Variants in SLC25A51 observed in about 807,000 individuals in gnomAD.
SLC25A51 encodes solute carrier family 25 member 51, also known as mitochondrial nicotinamide adenine dinucleotide transporter SLC25A51.
SLC25A51 carries 11 observed loss-of-function variants against 19.1 expected under a neutral mutation model. That is an observed-to-expected ratio of 0.58 (90% confidence interval 0.36 to 0.96). The LOEUF is 0.96. Ranked by LOEUF, SLC25A51 falls within the 40% of genes least tolerant of loss-of-function variation. SLC25A51 has a pLI of 0.01. For missense variants in SLC25A51, 201 were observed against 365.4 expected, an observed-to-expected ratio of 0.55 and a Z score of 3.67; for synonymous variants, 105 against 133.6, an observed-to-expected ratio of 0.79 and a Z score of 1.47.
At chr9:37,891,919 T>C (rs1831600332) in intron 2 of SLC25A51, among the ~76,000 whole-genome samples, 1 of 141,372 alleles carries the variant, frequency 7.1e-6, no homozygotes. Context: ...AAAAAAAGAT[T>C]CAGCCATAAG....
chr9:37,903,888 C>G (rs938988375), intron 1 of SLC25A51, 180 bp downstream of exon 1: 2 of 152,280 alleles, frequency 1.3e-5, no homozygotes, highest in Admixed American at 6.5e-5. Flanking sequence ...AGAACTGATT[C>G]CGCCCGCGCC....
intron 2 of SLC25A51, among the ~76,000 whole-genome samples, chr9:37,890,993 G>C (rs1413228416): frequency 6.6e-6 from 1 of 152,134 alleles, no homozygotes; most frequent in Non-Finnish European, 1.5e-5. Context: ...CAGGACAAAA[G>C]ATGTTAAAGA....
intron 2 of SLC25A51, among the ~76,000 whole-genome samples, chr9:37,891,183 T>C (rs1222690616): frequency 6.6e-6 from 1 of 152,152 alleles, no homozygotes; most frequent in African/African-American, 2.4e-5. Context: ...TCACACAACA[T>C]GTACACAAAG....
At chr9:37,898,569 A>G (rs1587170539) in intron 2 of SLC25A51, among the ~76,000 whole-genome samples, 1 of 151,656 alleles carries the variant, frequency 6.6e-6, no homozygotes, top group East Asian at 1.9e-4. Flanking sequence ...AAAAAAAAAA[A>G]TTAGCCGGGC....
intron 1 of SLC25A51, among the ~76,000 whole-genome samples, chr9:37,901,424 C>A (rs1361420148): frequency 6.6e-6 from 1 of 152,216 alleles, no homozygotes; most frequent in African/African-American, 2.4e-5. Context: ...CTGCCTTGGC[C>A]TCCCAAAGTG....
At chr9:37,892,129 A>T (rs773873095) in intron 2 of SLC25A51, among the ~76,000 whole-genome samples, 1 of 152,222 alleles carries the variant, frequency 6.6e-6, no homozygotes, top group Non-Finnish European at 1.5e-5. Context: ...TAGCATACGT[A>T]TGTCAGGTAC....
chr9:37,896,086 T>C (rs1321724332), intron 2 of SLC25A51, among the ~76,000 whole-genome samples: 1 of 152,214 alleles, frequency 6.6e-6, no homozygotes, highest in East Asian at 1.9e-4. Flanking sequence ...AGTGCTCGGA[T>C]TACAGGCCCT....
downstream of SLC25A51, chr9:37,886,167 T>G: frequency 6.8e-7 from 1 of 1,467,606 alleles, no homozygotes; most frequent in East Asian, 2.3e-5. Flanking sequence ...CTGATCCTGT[T>G]CCAAGGTGGC....
At chr9:37,885,905 G>A, downstream of SLC25A51, 2 of 1,603,876 alleles carry the variant, frequency 1.2e-6, no homozygotes, top group Non-Finnish European at 1.7e-6. Flanking sequence ...TATGGGCCCT[G>A]AGTATATCAA....
chr9:37,896,669 A>G (rs1831722522), intron 2 of SLC25A51, among the ~76,000 whole-genome samples: 2 of 152,094 alleles, frequency 1.3e-5, no homozygotes. Context: ...GGTGGTGTGC[A>G]CCTGTTGTCC....
Position 37,888,387 on chromosome 9 carries a change from A to C in SLC25A51, c.164T>G (p.Leu55Arg). 6.2e-7 allele frequency: 1 copy of C among 1,614,264 alleles called. No homozygotes were observed. Among genetic ancestry groups the C allele is most frequent in the Non-Finnish European group, 8.5e-7 (1 of 1,180,046 alleles). ...GATGCCATACAGCTGTTGTCGAAAG[A>C]GGACCTTCTGAATGGGAAATGTGAT... ...VAITFPIQKVLFRQQLYGIKT... is the reference protein window; with the variant it reads ...VAITFPIQKVRFRQQLYGIKT... The change falls in exon 3 of 3, where the codon CTC becomes CGC. Residue 55 changes from leucine to arginine, a missense_variant. Coordinates refer to ENST00000242275, the MANE Select transcript of SLC25A51 (RefSeq NM_033412.4).
intron 2 of SLC25A51, among the ~76,000 whole-genome samples, chr9:37,896,831 A>G (rs1402325260): frequency 2.0e-5 from 3 of 152,180 alleles, no homozygotes; most frequent in African/African-American, 7.2e-5. Context: ...AACGGTATTA[A>G]CTTTGAATTT....
At chr9:37,902,828 ACATGGATCAG>A (rs2118389156) in intron 1 of SLC25A51, among the ~76,000 whole-genome samples, 1 of 152,354 alleles carries the variant, frequency 6.6e-6, no homozygotes, top group East Asian at 1.9e-4. Flanking sequence ...TTTACAGCCT[ACATGGATCAG>A]CATGATACAG....
rs182248034 is a variant in SLC25A51 at position 37,900,989 on chromosome 9, C to G, written c.-164-1039G>C. 1.6e-4 allele frequency among the ~76,000 whole-genome samples: 24 copies of G among 152,200 alleles called. No individual in the cohort carries two copies. The East Asian group carries it at 3.7e-3, about 23-fold the overall frequency. ...CAAGCAATCCTTCCACCTCAGCCAT[C>G]TGAGTACCTGGGACCACAGGCCCGC... On this transcript the variant is annotated intron_variant, in intron 1 of 2. Coordinates refer to ENST00000242275, the MANE Select transcript of SLC25A51 (RefSeq NM_033412.4).
intron 2 of SLC25A51, among the ~76,000 whole-genome samples, chr9:37,889,906 G>A (rs529993000): frequency 1.3e-3 from 198 of 151,764 alleles, no homozygotes; most frequent in African/African-American, 4.6e-3. Context: ...CCACCTTCCA[G>A]TTCTGGTCTT....
At chr9:37,888,924 A>G (rs979704216) in intron 2 of SLC25A51, among the ~76,000 whole-genome samples, 2 of 152,178 alleles carry the variant, frequency 1.3e-5, no homozygotes, top group Non-Finnish European at 2.9e-5. Context: ...ACTGTAAAAT[A>G]TTTTCTAATG....
Position 37,897,171 on chromosome 9 carries a change from CT to C in SLC25A51, c.-43+2657del, listed in dbSNP as rs2118360607. 1.3e-5 allele frequency among the ~76,000 whole-genome samples: 2 copies of C among 152,224 alleles called. 1 individual carries two copies. Among genetic ancestry groups the C allele is most frequent in the East Asian group, 3.9e-4 (2 of 5,186 alleles). On this transcript the variant is annotated intron_variant, in intron 2 of 2. Coordinates refer to ENST00000242275, the MANE Select transcript of SLC25A51 (RefSeq NM_033412.4). The stretch of plus-strand genomic sequence containing the variant: ...AATTTTCTTCACATAGATATTATTT[CT>C]TACATCTATGTATTTCACCTTTTTG...
At position 37,888,565 on chromosome 9, in the gene SLC25A51, T is replaced by C. The variant is rs765701036; in HGVS notation, c.-15A>G. ...GAATCCATCATGCTGCTTAAGATCT[T>C]TCTTTTTCATGAAGGACTTTTTTTA... On this transcript the variant is annotated 5_prime_UTR_variant, in exon 3 of 3. Transcript: ENST00000242275. The C allele has an allele frequency of 2.5e-6, 4 of 1,569,490 alleles. No homozygotes were observed. Among genetic ancestry groups the C allele is most frequent in the South Asian group, 1.2e-5 (1 of 83,732 alleles).
intron 2 of SLC25A51, chr9:37,881,696 C>T (rs1200743019): frequency 6.6e-6 from 1 of 152,142 alleles, no homozygotes; most frequent in Non-Finnish European, 1.5e-5. Flanking sequence ...TTATATGAAA[C>T]CCCTCTTGAC....
Sources: allele counts gnomAD v4.1 joint callset (sites outside exome capture counted in the v4.1 genomes callset), GRCh38; gene constraint gnomAD v4.1.1; transcripts MANE v1.5; gene names NCBI Gene and HGNC (gene_info 2026-07-23, HGNC 2026-07-21).